UNC79: variants seen among roughly 807,000 people sequenced by gnomAD.
UNC79 encodes the protein unc-79 subunit of NALCN channel complex, also known as protein unc-79 homolog.
A neutral mutation model predicts 283.1 loss-of-function variants in UNC79; 37 were observed. The observed-to-expected ratio is 0.13, with a 90% CI of 0.10 to 0.17. The LOEUF is 0.17. Ranked by LOEUF, UNC79 falls within the 10% of genes least tolerant of loss-of-function variation. The pLI, the probability that UNC79 is intolerant of heterozygous loss-of-function variation, is 1.00. For synonymous variants in UNC79, 1,107 were observed against 1,200.2 expected, an observed-to-expected ratio of 0.92 and a Z score of 1.61; for missense variants, 2,272 against 3,211.1, an observed-to-expected ratio of 0.71 and a Z score of 7.07.
intron 46 of UNC79, among the ~76,000 whole-genome samples, chr14:93,693,682 G>A (rs1263780274): frequency 3.3e-5 from 5 of 152,106 alleles, no homozygotes; most frequent in Admixed American, 2.0e-4. Flanking sequence ...AGTTATTGCC[G>A]ATGAAGACAC....
chr14:93,367,314 C>T (rs1348987135), intron 1 of UNC79, among the ~76,000 whole-genome samples: 1 of 152,168 alleles, frequency 6.6e-6, no homozygotes, highest in Non-Finnish European at 1.5e-5. Context: ...TTAAGTCAAA[C>T]AATTTAATAA....
In UNC79 at chr14:93,688,779, A is replaced by T; in HGVS notation, c.7024A>T (p.Asn2342Tyr). Residue 2342 changes from asparagine to tyrosine, a missense_variant, in exon 44 of 49, where the codon AAC becomes TAC. This residue lies in a region of UNC79 where 225 missense variants were observed against 334.2 expected (regional missense o/e 0.67). Transcript: ENST00000555664. This position sits in a 1 kb window ranked among gnomAD's most constrained non-coding sequence, Gnocchi z 4.0. ...CATCTCACGGGGCAACCACAGAGAT[A>T]ACAAAGCTGTGATCCGCTATCTGCC... is the stretch of plus-strand genomic sequence containing the variant. 1 of 1,614,102 alleles carries T rather than the reference A, an allele frequency of 6.2e-7. No homozygotes were observed. The highest frequency in any genetic ancestry group is 8.5e-7 in the Non-Finnish European group (1 of 1,180,000).
At chr14:93,362,368 A>G (rs2054245428) in intron 1 of UNC79, among the ~76,000 whole-genome samples, 1 of 151,654 alleles carries the variant, frequency 6.6e-6, no homozygotes, top group Non-Finnish European at 1.5e-5. Flanking sequence ...TTTTTTTTTG[A>G]AACAGAGTCT....
intron 6 of UNC79, 131 bp from the exon 7 acceptor site, chr14:93,497,026 C>A: frequency 1.1e-6 from 1 of 931,806 alleles, no homozygotes; most frequent in Non-Finnish European, 1.6e-6. Flanking sequence ...AACATGTCTG[C>A]ATGAGATTCC....
intron 6 of UNC79, 33 bp downstream of exon 6, chr14:93,496,499 C>T (rs1176029333): frequency 6.9e-7 from 1 of 1,455,716 alleles, no homozygotes; most frequent in East Asian, 2.5e-5. Flanking sequence ...CCCATAGTCA[C>T]AAACTTAATT....
At chr14:93,681,975 G>C (rs1411892673) in intron 41 of UNC79, among the ~76,000 whole-genome samples, 1 of 152,222 alleles carries the variant, frequency 6.6e-6, no homozygotes, top group East Asian at 1.9e-4. Flanking sequence ...GGGATGAGGT[G>C]CATCAAGCCT....
In UNC79 at chr14:93,499,111, G is replaced by A. The variant is rs2059164569; in HGVS notation, c.898+1825G>A. Among the ~76,000 whole-genome samples the A allele has an allele frequency of 2.0e-5, 3 of 152,274 alleles. No individual in the cohort carries two copies. The South Asian group carries it at 6.2e-4, about 32-fold the overall frequency. ...AATACTTGTTGTTTGGGCTTTTGGT[G>A]GCCCTTGGTGGGCTTATTCTAAGCC... On this transcript the variant is annotated intron_variant, in intron 7 of 48. Transcript: ENST00000555664.
At chr14:93,599,815 A>G (rs2065358925) in intron 24 of UNC79, among the ~76,000 whole-genome samples, 1 of 152,230 alleles carries the variant, frequency 6.6e-6, no homozygotes, top group Admixed American at 6.5e-5. Context: ...GGAATCATGA[A>G]ATTTTGGATT....
At chr14:93,427,080 C>T (rs1474647579), upstream of UNC79, among the ~76,000 whole-genome samples, 3 of 151,878 alleles carry the variant, frequency 2.0e-5, no homozygotes, top group Non-Finnish European at 4.4e-5. Flanking sequence ...TTCTTGAATC[C>T]CTAGTTGGGT....
At chr14:93,691,913 C>A (rs753279807) in exon 46 of UNC79, 50 of 1,614,054 alleles carry the variant, frequency 3.1e-5, no homozygotes, top group Non-Finnish European at 3.8e-5. Context: ...GGGTGACACC[C>A]AGCATCCTTC....
intron 33 of UNC79, among the ~76,000 whole-genome samples, chr14:93,642,224 A>G (rs2140214204): frequency 6.6e-6 from 1 of 152,086 alleles, no homozygotes; most frequent in African/African-American, 2.4e-5. Context: ...GGAGATCGAG[A>G]CCATCCTGGC....
chr14:93,475,269 G>C (rs1212275267), intron 3 of UNC79, among the ~76,000 whole-genome samples: 1 of 152,178 alleles, frequency 6.6e-6, no homozygotes, highest in Non-Finnish European at 1.5e-5. Flanking sequence ...GTCCCTGAAA[G>C]TATGATAACC....
At chr14:93,500,819 A>C (rs368084668) in intron 7 of UNC79, among the ~76,000 whole-genome samples, 5 of 152,334 alleles carry the variant, frequency 3.3e-5, no homozygotes, top group African/African-American at 1.2e-4. Context: ...CTTTAATTAA[A>C]CATTAGGTAA....
intron 7 of UNC79, among the ~76,000 whole-genome samples, chr14:93,518,575 T>C (rs1263017247): frequency 6.6e-6 from 1 of 151,942 alleles, no homozygotes; most frequent in Non-Finnish European, 1.5e-5. Context: ...TCTTTATTGT[T>C]TTCTTCCACC....
intron 20 of UNC79, among the ~76,000 whole-genome samples, chr14:93,582,604 C>G (rs189473608): frequency 1.3e-5 from 2 of 152,130 alleles, no homozygotes; most frequent in East Asian, 1.9e-4. Flanking sequence ...ACTTACAATG[C>G]GAGGTATTCT....
At position 93,663,942 on chromosome 14, in the gene UNC79, A is replaced by G. The variant is rs768990096; in HGVS notation, c.6636+1228A>G. ...GTTGTACACTGTAGATATTGATTAC[A>G]GGGGACCTTCTAGCATTTGGATTCA... On this transcript the variant is annotated intron_variant, in intron 40 of 48. Transcript: ENST00000555664. 1.3e-5 allele frequency among the ~76,000 whole-genome samples: 2 copies of G among 152,192 alleles called. 1 individual carries two copies. The highest frequency in any genetic ancestry group is 2.9e-5 in the Non-Finnish European group (2 of 68,014).
chr14:93,604,807 ACT>A, intron 26 of UNC79, 87 bp from the exon 27 acceptor site: 1 of 1,282,506 alleles, frequency 7.8e-7, no homozygotes, highest in Non-Finnish European at 1.0e-6. Context: ...ACCTGCCCCT[ACT>A]ATCCCATAAA....
At chr14:93,368,881 T>C (rs2054388816) in intron 1 of UNC79, among the ~76,000 whole-genome samples, 1 of 152,246 alleles carries the variant, frequency 6.6e-6, no homozygotes, top group South Asian at 2.1e-4. Flanking sequence ...GACTGAAAGC[T>C]GACTGTCTCC....
intron 47 of UNC79, among the ~76,000 whole-genome samples, chr14:93,697,909 T>TCTAA (rs1158302273): frequency 6.6e-6 from 1 of 152,234 alleles, no homozygotes; most frequent in African/African-American, 2.4e-5. Context: ...CTGGTTTAGC[T>TCTAA]GCATCCAACA....
Sources: allele counts gnomAD v4.1 joint callset (sites outside exome capture counted in the v4.1 genomes callset), GRCh38; gene constraint gnomAD v4.1.1; regional missense constraint gnomAD v4.1.1; non-coding constraint Gnocchi (gnomAD v3.1); transcripts MANE v1.5; gene names NCBI Gene and HGNC (gene_info 2026-07-23, HGNC 2026-07-21).